The following RARB variants were observed in gnomAD, a reference collection of about 807,000 sequenced individuals.
The protein encoded by RARB is HBV-activated protein.
A neutral mutation model predicts 51.9 loss-of-function variants in RARB; 17 were observed. The observed-to-expected ratio is 0.33, with a 90% CI of 0.22 to 0.49. The LOEUF is 0.49. Among genes scored for constraint, RARB ranks in the 20% least tolerant of loss-of-function variants. RARB has a pLI of 0.99. For synonymous variants in RARB, 215 were observed against 195.4 expected (o/e 1.10, Z -0.84); for missense variants, 369 against 550.8 (o/e 0.67, Z 3.30).
At chr3:24,911,980 G>C (rs189961454) in intron 2 of RARB, among the ~76,000 whole-genome samples, 10 of 152,322 alleles carry the variant, frequency 6.6e-5, no homozygotes, top group African/African-American at 1.9e-4. Context: ...TTGCTTTAAA[G>C]AAGTTCAAGT....
chr3:25,385,384 G>T (rs1183498466), intron 5 of RARB, among the ~76,000 whole-genome samples: 1 of 152,158 alleles, frequency 6.6e-6, no homozygotes, highest in African/African-American at 2.4e-5. Context: ...CTCAGCTAAA[G>T]AGGAAGTTTA....
chr3:25,560,003 C>T (rs751598935), intron 3 of RARB, among the ~76,000 whole-genome samples: 4 of 152,178 alleles, frequency 2.6e-5, no homozygotes, highest in Non-Finnish European at 5.9e-5. Flanking sequence ...AGACACTGTT[C>T]AGATCTATAA....
intron 1 of RARB, among the ~76,000 whole-genome samples, chr3:24,835,138 T>C (rs1362037058): frequency 1.3e-5 from 2 of 152,228 alleles, no homozygotes; most frequent in African/African-American, 4.8e-5. Flanking sequence ...GGATTTAATC[T>C]ACAGCATTGC....
intron 5 of RARB, among the ~76,000 whole-genome samples, chr3:25,214,732 A>T (rs527293025): frequency 1.3e-5 from 2 of 152,224 alleles, no homozygotes; most frequent in Non-Finnish European, 1.5e-5. Context: ...ACTTTGGGCT[A>T]GGTTCTTTTT....
At chr3:24,893,914 C>T (rs541879830) in intron 2 of RARB, among the ~76,000 whole-genome samples, 155 of 152,236 alleles carry the variant, frequency 1.0e-3, no homozygotes, top group Non-Finnish European at 1.4e-3. Flanking sequence ...AAGCCAGTGA[C>T]TACAAAAGCT....
intron 5 of RARB, among the ~76,000 whole-genome samples, chr3:25,386,898 A>G (rs756340549): frequency 6.6e-6 from 1 of 152,194 alleles, no homozygotes; most frequent in Non-Finnish European, 1.5e-5. Context: ...TTACCTAGCA[A>G]CTGTCAAAGC....
intron 3 of RARB, among the ~76,000 whole-genome samples, chr3:25,131,695 G>A (rs1440103530): frequency 6.6e-6 from 1 of 151,984 alleles, no homozygotes; most frequent in Non-Finnish European, 1.5e-5. Context: ...CGGAGAGAGA[G>A]TGAAGCCATT....
chr3:25,549,004 A>G (rs540237048), intron 3 of RARB, among the ~76,000 whole-genome samples: 1 of 151,840 alleles, frequency 6.6e-6, no homozygotes, highest in Non-Finnish European at 1.5e-5. Context: ...TACTTTTTCT[A>G]TTTGTGGCTT....
At chr3:25,375,230 A>G (rs1429842872) in intron 5 of RARB, among the ~76,000 whole-genome samples, 1 of 152,214 alleles carries the variant, frequency 6.6e-6, no homozygotes, top group Non-Finnish European at 1.5e-5. Flanking sequence ...ACAGGACCCT[A>G]TGCATAGCAG....
chr3:25,332,380 T>C (rs1193712183), intron 5 of RARB, among the ~76,000 whole-genome samples: 1 of 152,048 alleles, frequency 6.6e-6, no homozygotes, highest in Non-Finnish European at 1.5e-5. Flanking sequence ...CAAACACAAA[T>C]CAATAAACGT....
intron 3 of RARB, among the ~76,000 whole-genome samples, chr3:25,554,535 A>G (rs1278449952): frequency 6.6e-6 from 1 of 152,144 alleles, no homozygotes; most frequent in East Asian, 1.9e-4. Context: ...CCAAAAGCCT[A>G]CAACATTTCT....
intron 5 of RARB, among the ~76,000 whole-genome samples, chr3:25,251,365 C>A (rs1254836272): frequency 1.3e-5 from 2 of 151,848 alleles, no homozygotes; most frequent in African/African-American, 2.4e-5. Context: ...CATATGTTTT[C>A]AATTTTCTTG....
chr3:25,439,811 A>G (rs1476616830), intron 1 of RARB, among the ~76,000 whole-genome samples: 1 of 152,212 alleles, frequency 6.6e-6, no homozygotes, highest in Non-Finnish European at 1.5e-5. Context: ...TTGAGGAAAA[A>G]GAGACAGGTG....
At chr3:25,296,096 C>G (rs953994747) in intron 5 of RARB, among the ~76,000 whole-genome samples, 1 of 152,066 alleles carries the variant, frequency 6.6e-6, no homozygotes, top group Non-Finnish European at 1.5e-5. Flanking sequence ...CCTAATCTTA[C>G]ATAATAGAAT....
Position 24,895,627 on chromosome 3 carries a change from T to C in RARB, c.-380+36875T>C, listed in dbSNP as rs565853556. ...CTTACAATTGGGTCTTTTTTTTTTT[T>C]CCTTGAGAAGGAGTCTCGCTCTTTC... On this transcript the variant is annotated intron_variant, in intron 2 of 11. Transcript: ENST00000383772. Among the ~76,000 whole-genome samples the C allele has an allele frequency of 8.6e-3, 1,202 of 139,038 alleles. 5 individuals carry two copies. The highest frequency in any genetic ancestry group is 0.012 in the Non-Finnish European group (819 of 66,248). 91.2% of individuals were successfully genotyped at this position (139,038 alleles called of 152,430 possible).
intron 2 of RARB, among the ~76,000 whole-genome samples, chr3:25,491,448 C>T (rs1180294206): frequency 6.6e-6 from 1 of 152,098 alleles, no homozygotes; most frequent in African/African-American, 2.4e-5. Flanking sequence ...CTACTTAATT[C>T]TGTCTGATCT....
At chr3:24,836,611 C>T (rs1256330746) in intron 1 of RARB, among the ~76,000 whole-genome samples, 1 of 152,180 alleles carries the variant, frequency 6.6e-6, no homozygotes, top group Non-Finnish European at 1.5e-5. Context: ...TCCTACCAAG[C>T]TCTTTATGAT....
intron 3 of RARB, among the ~76,000 whole-genome samples, chr3:25,567,204 G>A (rs370523234): frequency 2.6e-5 from 4 of 152,164 alleles, no homozygotes; most frequent in Non-Finnish European, 4.4e-5. Context: ...TCAGCGGTGC[G>A]TAGTGGATCC....
chr3:24,854,965 C>G (rs903091355), intron 1 of RARB, among the ~76,000 whole-genome samples: 3 of 152,112 alleles, frequency 2.0e-5, no homozygotes, highest in African/African-American at 7.2e-5. Context: ...TCTGGTAATT[C>G]TGATGCTGCT....
Sources: allele counts gnomAD v4.1 joint callset (sites outside exome capture counted in the v4.1 genomes callset), GRCh38; gene constraint gnomAD v4.1.1; transcripts MANE v1.5; gene names NCBI Gene and HGNC (gene_info 2026-07-23, HGNC 2026-07-21).